EPC1: variants seen among roughly 807,000 people sequenced by gnomAD.
EPC1 encodes enhancer of polycomb 1, also known as enhancer of polycomb homolog 1.
Under a neutral mutation model 98.4 loss-of-function variants are expected in EPC1, and 12 were observed. The ratio of observed to expected loss-of-function variants is 0.12; its 90% CI spans 0.08 to 0.20. EPC1 has a LOEUF of 0.20. Among genes scored for constraint, EPC1 ranks in the 10% least tolerant of loss-of-function variants. The pLI, the probability that EPC1 is intolerant of heterozygous loss-of-function variation, is 1.00. For missense variants in EPC1, 729 were observed against 990.5 expected (o/e 0.74, Z 3.54); for synonymous variants, 357 against 363.9 (o/e 0.98, Z 0.21).
At chr10:32,323,778 C>A (rs1592597249) in intron 1 of EPC1, among the ~76,000 whole-genome samples, 1 of 152,130 alleles carries the variant, frequency 6.6e-6, no homozygotes. Context: ...ATGAAATCAA[C>A]CTGTTTCTTT....
chr10:32,348,918 T>A (rs1225495744), upstream of EPC1, among the ~76,000 whole-genome samples: 4 of 152,196 alleles, frequency 2.6e-5, no homozygotes, highest in Non-Finnish European at 5.9e-5. Context: ...AGATGATATC[T>A]GAGTAAAATT....
At chr10:32,309,493 C>CTTTTTTT (rs67775039) in intron 1 of EPC1, among the ~76,000 whole-genome samples, 8 of 142,440 alleles carry the variant, frequency 5.6e-5, no homozygotes, top group Non-Finnish European at 7.6e-5. Context: ...TATTTTCAAG[C>CTTTTTTT]TTTTTTTTTT....
In EPC1 at chr10:32,347,096, C is replaced by G; in HGVS notation, c.-181G>C. ...GGGTGGGAGGCTGTGCCGCTCCGCT[C>G]CTCTCTCGCTCGCTCTCTTCAATAC... On this transcript the variant is annotated 5_prime_UTR_variant, in exon 1 of 14. Coordinates refer to ENST00000319778, the MANE Select transcript of EPC1 (RefSeq NM_001272004.3). The G allele has an allele frequency of 6.9e-7, 1 of 1,442,456 alleles. No homozygotes were observed. Among genetic ancestry groups the G allele is most frequent in the Non-Finnish European group, 9.1e-7 (1 of 1,104,296 alleles). 89.4% of individuals were successfully genotyped at this position (1,442,456 alleles called of 1,614,324 possible).
At chr10:32,305,202 A>G (rs911230199) in intron 2 of EPC1, among the ~76,000 whole-genome samples, 5 of 152,376 alleles carry the variant, frequency 3.3e-5, no homozygotes, top group African/African-American at 1.2e-4. Flanking sequence ...TACTAGAAAA[A>G]ACAGATTTGG....
intron 1 of EPC1, among the ~76,000 whole-genome samples, chr10:32,321,428 C>T (rs1836909732): frequency 6.6e-6 from 1 of 152,014 alleles, no homozygotes; most frequent in East Asian, 1.9e-4. Flanking sequence ...ACAAACGGCA[C>T]TTTACAGCCC....
intron 10 of EPC1, chr10:32,283,324 C>CT (rs1329817119): frequency 2.5e-4 from 27 of 106,748 alleles, no homozygotes; most frequent in Admixed American, 8.8e-4. Context: ...TTATGAATTT[C>CT]TTTTTTTTTT....
intron 5 of EPC1, 200 bp from the exon 6 acceptor site, chr10:32,291,522 T>C (rs1392309421): frequency 1.1e-5 from 5 of 443,380 alleles, no homozygotes; most frequent in African/African-American, 3.9e-5. Flanking sequence ...ATATAATACA[T>C]TGTTATTAAC....
chr10:32,363,771 C>T (rs1839512613), intron 1 of EPC1, among the ~76,000 whole-genome samples: 1 of 151,942 alleles, frequency 6.6e-6, no homozygotes, highest in South Asian at 2.1e-4. Context: ...ACTCTTTTTG[C>T]CTTTGTTTTC....
Position 32,341,533 on chromosome 10 carries a change from TTTAA to T in EPC1, c.153+5226_153+5229del, listed in dbSNP as rs1435204369. Among the ~76,000 whole-genome samples the T allele has an allele frequency of 1.1e-4, 17 of 152,338 alleles. No individual in the cohort carries two copies. In the East Asian group the frequency reaches 2.1e-3, roughly 19 times the overall value. On this transcript the variant is annotated intron_variant, in intron 1 of 13. Transcript: ENST00000319778. ...TTTAAGCTACACTGTAGGCAGTACT[TTTAA>T]TTAAGTCCTATTAACAGAAAAAAAT...
intron 1 of EPC1, among the ~76,000 whole-genome samples, chr10:32,318,248 T>A (rs913667516): frequency 2.0e-5 from 3 of 152,228 alleles, no homozygotes; most frequent in African/African-American, 7.2e-5. Context: ...TTTATGCTGA[T>A]GATTTCTATG....
intron 10 of EPC1, among the ~76,000 whole-genome samples, chr10:32,279,895 T>C (rs1172159522): frequency 6.6e-6 from 1 of 152,178 alleles, no homozygotes; most frequent in Non-Finnish European, 1.5e-5. Context: ...TACTAAAACC[T>C]AGCCCCCAAA....
rs142264028 is a variant in EPC1, at chr10:32,278,696, C to T, written c.1745-5415G>A. Among the ~76,000 whole-genome samples, 22 of 152,276 alleles carry T rather than the reference C, an allele frequency of 1.4e-4. No individual in the cohort carries two copies. The East Asian group carries it at 3.1e-3, about 21-fold the overall frequency. On this transcript the variant is annotated intron_variant, in intron 10 of 13. Coordinates refer to ENST00000319778, the MANE Select transcript of EPC1 (RefSeq NM_001272004.3). ...TGAATTAGAAATTTCTTTTAGTACA[C>T]AGGCCAAACATTATTTTAATATAAA...
At chr10:32,341,933 A>T (rs1426766955) in intron 1 of EPC1, among the ~76,000 whole-genome samples, 1 of 152,242 alleles carries the variant, frequency 6.6e-6, no homozygotes, top group Non-Finnish European at 1.5e-5. Flanking sequence ...CTAGAAAAAT[A>T]TATTCTAACA....
chr10:32,344,899 T>C (rs1467818714), intron 1 of EPC1, among the ~76,000 whole-genome samples: 2 of 152,198 alleles, frequency 1.3e-5, no homozygotes, highest in Non-Finnish European at 2.9e-5. Flanking sequence ...TTGTAACTCT[T>C]GGGACTGTCC....
At chr10:32,323,769 T>C (rs1055288900) in intron 1 of EPC1, among the ~76,000 whole-genome samples, 8 of 152,348 alleles carry the variant, frequency 5.3e-5, no homozygotes, top group South Asian at 2.1e-4. Flanking sequence ...CTCTGACTAA[T>C]GAAATCAACC....
intron 1 of EPC1, among the ~76,000 whole-genome samples, chr10:32,334,317 G>A (rs977218969): frequency 6.6e-6 from 1 of 152,150 alleles, no homozygotes; most frequent in Non-Finnish European, 1.5e-5. Context: ...TATCGCTTTG[G>A]CTTTACAGGT....
At chr10:32,305,076 A>G (rs1835797763) in intron 2 of EPC1, among the ~76,000 whole-genome samples, 1 of 152,234 alleles carries the variant, frequency 6.6e-6, no homozygotes, top group Non-Finnish European at 1.5e-5. Flanking sequence ...GCTCTCAGCT[A>G]TTCATCACCA....
At chr10:32,328,076 G>A (rs1837411787) in intron 1 of EPC1, among the ~76,000 whole-genome samples, 1 of 152,058 alleles carries the variant, frequency 6.6e-6, no homozygotes, top group Admixed American at 6.6e-5. Context: ...TGGAAGAAAA[G>A]ATTTCTCAAC....
intron 1 of EPC1, among the ~76,000 whole-genome samples, chr10:32,355,670 AGTGGCATG>A (rs1192077996): frequency 8.3e-6 from 1 of 121,022 alleles, no homozygotes; most frequent in Non-Finnish European, 1.6e-5. Flanking sequence ...GCTAGAGTGC[AGTGGCATG>A]ATCTTGGCTG....
Sources: gnomAD v4.1 joint callset for allele counts (sites outside exome capture counted in the v4.1 genomes callset) on GRCh38, gnomAD v4.1.1 for gene constraint, MANE v1.5 for transcripts, NCBI Gene and HGNC (gene_info 2026-07-23, HGNC 2026-07-21) for gene names.